The following CEP76 variants were observed in gnomAD, a reference collection of about 807,000 sequenced individuals.
CEP76 encodes centrosomal protein 76.
A neutral mutation model predicts 83.3 loss-of-function variants in CEP76; 55 were observed. The observed-to-expected ratio is 0.66, with a 90% confidence interval of 0.53 to 0.83. The LOEUF (loss-of-function observed/expected upper bound fraction) is 0.83. Among genes scored for constraint, CEP76 ranks in the 40% least tolerant of loss-of-function variants. CEP76 has a pLI of 0.00. For synonymous variants in CEP76, 270 were observed against 274.5 expected, an observed-to-expected ratio of 0.98 and a Z score of 0.16; for missense variants, 694 against 799.5, an observed-to-expected ratio of 0.87 and a Z score of 1.59.
At chr18:12,664,554 AAAAC>A (rs1201704573) in intron 12 of CEP76, among the ~76,000 whole-genome samples, 1 of 151,912 alleles carries the variant, frequency 6.6e-6, no homozygotes, top group African/African-American at 2.4e-5. Context: ...CGTCTCAAAA[AAAAC>A]AAAATTTGTA....
chr18:12,696,474 G>C (rs542939853), intron 5 of CEP76, among the ~76,000 whole-genome samples: 1 of 152,026 alleles, frequency 6.6e-6, no homozygotes, highest in Admixed American at 6.6e-5. Context: ...CTGCACTCCA[G>C]CCTGGTGACA....
downstream of CEP76, among the ~76,000 whole-genome samples, chr18:12,672,410 C>T (rs1021634581): frequency 2.0e-5 from 3 of 152,144 alleles, no homozygotes; most frequent in Non-Finnish European, 4.4e-5. Context: ...ACCACTACGC[C>T]GAGCCTTACA....
chr18:12,663,671 T>G (rs573354448), intron 12 of CEP76, among the ~76,000 whole-genome samples: 2 of 152,362 alleles, frequency 1.3e-5, no homozygotes, highest in African/African-American at 4.8e-5. Flanking sequence ...TTTTGTGTTG[T>G]GTAAATTAAA....
chr18:12,695,590 AAG>A (rs1249666160), intron 5 of CEP76, among the ~76,000 whole-genome samples: 1 of 151,944 alleles, frequency 6.6e-6, no homozygotes, highest in Non-Finnish European at 1.5e-5. Context: ...TTTCTTCTTT[AAG>A]TAGAGATGGG....
chr18:12,701,421 T>A (rs1054959180), intron 1 of CEP76, among the ~76,000 whole-genome samples: 3 of 152,154 alleles, frequency 2.0e-5, no homozygotes. Context: ...TATGATCTTA[T>A]TACTTTCATA....
intron 7 of CEP76, among the ~76,000 whole-genome samples, chr18:12,687,950 C>T (rs915955125): frequency 5.3e-5 from 8 of 151,684 alleles, no homozygotes; most frequent in African/African-American, 1.9e-4. Flanking sequence ...TTCTTAAAAC[C>T]TAATGGCCTT....
intron 7 of CEP76, among the ~76,000 whole-genome samples, chr18:12,690,215 C>T (rs2039702265): frequency 6.6e-6 from 1 of 152,184 alleles, no homozygotes; most frequent in African/African-American, 2.4e-5. Context: ...CCCTTATTCC[C>T]ACCTCTAGTC....
chr18:12,675,939 G>A (rs1433486626), intron 10 of CEP76, among the ~76,000 whole-genome samples: 1 of 152,020 alleles, frequency 6.6e-6, no homozygotes, highest in Non-Finnish European at 1.5e-5. Context: ...AAAGTGCTGG[G>A]ATTACAGGCA....
In CEP76 at chr18:12,672,720, C is replaced by A; in HGVS notation, c.*645G>T. 1.0e-6 allele frequency: 1 copy of A among 970,196 alleles called. No homozygotes were observed. Among genetic ancestry groups the A allele is most frequent in the Non-Finnish European group, 1.2e-6 (1 of 815,990 alleles). The allele number at this position is 970,196 out of a possible 1,614,324, so 60.1% of individuals were successfully genotyped here. On this transcript the variant is annotated 3_prime_UTR_variant, in exon 12 of 12. Transcript: ENST00000262127. Reference sequence around the variant, plus strand: ...TACCCAATTCATTTTTACAACAAATCACAGTGATAAATATTTCTAAATGAT... The same window carrying A: ...TACCCAATTCATTTTTACAACAAATAACAGTGATAAATATTTCTAAATGAT...
At position 12,683,674 on chromosome 18, in the gene CEP76, C is replaced by T. The variant is rs562069573; in HGVS notation, c.1122+2588G>A. On this transcript the variant is annotated intron_variant, in intron 8 of 11. Transcript: ENST00000262127. Reference sequence around the variant, plus strand: ...GCTGAGGCAGGAGAATCGCTTGAACCCAGGAGACGGAGGTTGCAGTGGGCC... The same window carrying T: ...GCTGAGGCAGGAGAATCGCTTGAACTCAGGAGACGGAGGTTGCAGTGGGCC... Among the ~76,000 whole-genome samples, 269 of 151,504 alleles carry T rather than the reference C, an allele frequency of 1.8e-3. 2 individuals are homozygous for T. Among genetic ancestry groups the T allele is most frequent in the Non-Finnish European group, 2.4e-3 (161 of 67,908 alleles).
intron 7 of CEP76, among the ~76,000 whole-genome samples, chr18:12,687,676 C>T (rs369247291): frequency 6.6e-5 from 10 of 151,778 alleles, no homozygotes; most frequent in African/African-American, 2.4e-4. Flanking sequence ...TGGTCTCAAA[C>T]TCCTGACCTC....
downstream of CEP76, among the ~76,000 whole-genome samples, chr18:12,671,643 T>TC (rs2038948532): frequency 2.0e-5 from 1 of 50,822 alleles, no homozygotes; most frequent in Non-Finnish European, 4.3e-5. Context: ...TCACACTTTC[T>TC]TTTTTTTTTT....
At chr18:12,687,971 C>T (rs934532561) in intron 7 of CEP76, among the ~76,000 whole-genome samples, 6 of 151,808 alleles carry the variant, frequency 4.0e-5, no homozygotes, top group African/African-American at 7.3e-5. Flanking sequence ...AGGCTGGGCA[C>T]GGTGGCTCAC....
intron 8 of CEP76, among the ~76,000 whole-genome samples, chr18:12,682,046 GA>G (rs1351249855): frequency 1.3e-5 from 2 of 151,946 alleles, no homozygotes; most frequent in African/African-American, 2.4e-5. Flanking sequence ...TGTGTTCTGT[GA>G]AAAAAATTAC....
rs1163641635 is a variant in CEP76 at position 12,689,985 on chromosome 18, C to T, written c.933+1374G>A. Among the ~76,000 whole-genome samples the T allele has an allele frequency of 2.0e-5, 3 of 152,336 alleles. No homozygotes were observed. The East Asian group carries it at 5.8e-4, about 29-fold the overall frequency. On this transcript the variant is annotated intron_variant, in intron 7 of 11. Coordinates refer to ENST00000262127, the MANE Select transcript of CEP76 (RefSeq NM_024899.4). ...TGTATTTTTAGTAGAGACAAGGTTT[C>T]GCCATGTTGGCCAGGCTGGTCTCAA...
chr18:12,680,666 G>A lies in CEP76; in HGVS notation c.1285C>T (p.His429Tyr), dbSNP rs770142481. ...AITFWESLTG[H>Y]RYIHKPTNPD... The stretch of plus-strand genomic sequence containing the variant: ...TTATAAACTTAGTAAACTAACCTGT[G>A]TCCTGTTAAACTCTCCCAAAAAGTG... The change falls in exon 9 of 12, where the codon CAC becomes TAC. Residue 429 changes from histidine (H) to tyrosine (Y), a missense_variant. Coordinates refer to ENST00000262127, the MANE Select transcript of CEP76 (RefSeq NM_024899.4). 6.3e-7 allele frequency: 1 copy of A among 1,589,856 alleles called. No homozygotes were observed. Among genetic ancestry groups the A allele is most frequent in the South Asian group, 1.1e-5 (1 of 89,386 alleles).
In CEP76 at chr18:12,681,255, CA is replaced by C. The variant is rs1436098378; in HGVS notation, c.1123-428del. ...ACACAACACAGAAAGAAAAGTAGAA[CA>C]TTTTTTTTTTTTTTTTTTTTTGAGA... On this transcript the variant is annotated intron_variant, in intron 8 of 11. Coordinates refer to ENST00000262127, the MANE Select transcript of CEP76 (RefSeq NM_024899.4). 5.9e-3 allele frequency among the ~76,000 whole-genome samples: 673 copies of C among 114,854 alleles called. 9 individuals are homozygous for C. Among genetic ancestry groups the C allele is most frequent in the African/African-American group, 0.021 (630 of 30,714 alleles). 75.3% of individuals were successfully genotyped at this position (114,854 alleles called of 152,430 possible).
At chr18:12,696,147 A>G (rs2039948976) in intron 5 of CEP76, among the ~76,000 whole-genome samples, 1 of 152,224 alleles carries the variant, frequency 6.6e-6, no homozygotes, top group African/African-American at 2.4e-5. Flanking sequence ...AATTTCTTAC[A>G]TAAAGGACAC....
chr18:12,694,995 G>A (rs56359953), intron 6 of CEP76, among the ~76,000 whole-genome samples: 21,281 of 151,998 alleles, frequency 0.14, 1,730 homozygotes, highest in African/African-American at 0.2. Context: ...GACTACAGGC[G>A]TGAGCCACCG....
Sources: gnomAD v4.1 joint callset for allele counts (sites outside exome capture counted in the v4.1 genomes callset) on GRCh38, gnomAD v4.1.1 for gene constraint, MANE v1.5 for transcripts, NCBI Gene and HGNC (gene_info 2026-07-23, HGNC 2026-07-21) for gene names.